Variants in CBLB observed in about 807,000 individuals in gnomAD.
The protein encoded by CBLB is Cbl proto-oncogene B.
Under a neutral mutation model 104.9 loss-of-function variants are expected in CBLB, and 31 were observed. The ratio of observed to expected loss-of-function variants is 0.30; its 90% CI spans 0.22 to 0.40. The LOEUF (loss-of-function observed/expected upper bound fraction) is 0.40, where lower values mean the gene tolerates loss of function less well. Among genes scored for constraint, CBLB ranks in the 10% least tolerant of loss-of-function variants. The pLI is 1.00. For missense variants in CBLB, 1,062 were observed against 1,214.6 expected, an observed-to-expected ratio of 0.87 and a Z score of 1.87; for synonymous variants, 440 against 422.6, an observed-to-expected ratio of 1.04 and a Z score of -0.51.
At chr3:105,769,729 A>C (rs927817508) in intron 4 of CBLB, among the ~76,000 whole-genome samples, 1 of 152,254 alleles carries the variant, frequency 6.6e-6, no homozygotes, top group African/African-American at 2.4e-5. Context: ...GTAGAAAAAA[A>C]GAAGCCAGCG....
chr3:105,764,272 C>G (rs940543221), intron 4 of CBLB, among the ~76,000 whole-genome samples: 1 of 151,970 alleles, frequency 6.6e-6, no homozygotes, highest in African/African-American at 2.4e-5. Context: ...ATCTGGGGAC[C>G]AGGTATATAA....
At chr3:105,851,939 G>A (rs890953725) in intron 3 of CBLB, among the ~76,000 whole-genome samples, 2 of 152,114 alleles carry the variant, frequency 1.3e-5, no homozygotes, top group Non-Finnish European at 2.9e-5. Flanking sequence ...TTACATGTTT[G>A]TGGTGATGCT....
chr3:105,701,413 G>A (rs1164068372), intron 12 of CBLB, among the ~76,000 whole-genome samples: 1 of 152,172 alleles, frequency 6.6e-6, no homozygotes, highest in Non-Finnish European at 1.5e-5. Flanking sequence ...ACTGATTTAT[G>A]ACATGTATAG....
chr3:105,732,029 C>A lies in CBLB; in HGVS notation c.1203+1980G>T, dbSNP rs987966635. Among the ~76,000 whole-genome samples the A allele has an allele frequency of 1.1e-4, 16 of 152,192 alleles. 1 individual carries two copies. Among genetic ancestry groups the A allele is most frequent in the Non-Finnish European group, 2.4e-4 (16 of 68,024 alleles). On this transcript the variant is annotated intron_variant, in intron 9 of 18. Transcript: ENST00000394030. ...TTCTGATTTTCTTCAGGGAGAAATG[C>A]AAGGCTTTTAGTTTCTTTGTACTTG...
intron 3 of CBLB, among the ~76,000 whole-genome samples, chr3:105,839,895 T>C (rs890423576): frequency 1.3e-5 from 2 of 152,214 alleles, no homozygotes; most frequent in South Asian, 2.1e-4. Context: ...AAAATTAGTA[T>C]TAAAGAGGAA....
chr3:105,804,671 G>A (rs982974780), intron 3 of CBLB, among the ~76,000 whole-genome samples: 2 of 150,466 alleles, frequency 1.3e-5, no homozygotes, highest in Admixed American at 6.6e-5. Flanking sequence ...ATAGCTACTA[G>A]ATAATTTAAA....
At chr3:105,670,376 A>C in intron 17 of CBLB, 24 bp from the exon 18 acceptor site, 1 of 1,599,104 alleles carries the variant, frequency 6.3e-7, no homozygotes, top group Non-Finnish European at 8.6e-7. Context: ...ACAAGTTTCA[A>C]ATTAAAAGGA....
chr3:105,789,225 T>C lies in CBLB; in HGVS notation c.420-12683A>G, dbSNP rs540830447. The stretch of plus-strand genomic sequence containing the variant: ...ATTAGAGCTACCAATCTACTACTAT[T>C]ATCACGATACTCAATTCTAGCACTT... On this transcript the variant is annotated intron_variant, in intron 3 of 18. Coordinates refer to ENST00000394030, the MANE Select transcript of CBLB (RefSeq NM_170662.5). Among the ~76,000 whole-genome samples the C allele has an allele frequency of 3.3e-5, 5 of 152,304 alleles. No homozygotes were observed. The East Asian group carries it at 9.6e-4, about 29-fold the overall frequency.
chr3:105,702,064 T>A (rs375370740), intron 12 of CBLB, 30 bp downstream of exon 12: 1 of 1,612,532 alleles, frequency 6.2e-7, no homozygotes, highest in Non-Finnish European at 8.5e-7. Flanking sequence ...ATAAGCAGAT[T>A]CTCTAGCTTC....
At chr3:105,780,563 T>C (rs890219781) in intron 3 of CBLB, among the ~76,000 whole-genome samples, 1 of 152,156 alleles carries the variant, frequency 6.6e-6, no homozygotes, top group Non-Finnish European at 1.5e-5. Flanking sequence ...AAGCTACTTA[T>C]TTCCACATAT....
At chr3:105,745,006 G>A (rs571954016) in intron 6 of CBLB, among the ~76,000 whole-genome samples, 8 of 151,860 alleles carry the variant, frequency 5.3e-5, no homozygotes, top group African/African-American at 1.7e-4. Flanking sequence ...AAATAAAAAT[G>A]ATACTAGAAA....
intron 18 of CBLB, among the ~76,000 whole-genome samples, chr3:105,660,383 G>A (rs1202516870): frequency 6.6e-6 from 1 of 151,712 alleles, no homozygotes; most frequent in Admixed American, 6.6e-5. Flanking sequence ...GTGGAGACAG[G>A]GTTTCACCAT....
chr3:105,860,260 C>G (rs188163011), intron 2 of CBLB, among the ~76,000 whole-genome samples: 60 of 152,246 alleles, frequency 3.9e-4, no homozygotes, highest in African/African-American at 1.4e-3. Flanking sequence ...AAGGTAAGGA[C>G]GAACCTCTCA....
chr3:105,794,439 C>G (rs1258382778), intron 3 of CBLB, among the ~76,000 whole-genome samples: 1 of 152,158 alleles, frequency 6.6e-6, no homozygotes, highest in Non-Finnish European at 1.5e-5. Context: ...TTTTAAAAAG[C>G]ATACTTCTGT....
At position 105,702,473 on chromosome 3, in the gene CBLB, A is replaced by T; in HGVS notation, c.1594-14T>A. On this transcript the variant is annotated splice_polypyrimidine_tract_variant and intron_variant, in intron 11 of 18. Transcript: ENST00000394030. ...GCAAGGAGAAGACTAAAGAAACAGA[A>T]GAGAAAAAAAAAAAAAAAAAAAAAA... 1 of 1,010,822 alleles carries T rather than the reference A, an allele frequency of 9.9e-7. No homozygotes were observed. The highest frequency in any genetic ancestry group is 1.4e-6 in the Non-Finnish European group (1 of 733,448). The allele number at this position is 1,010,822 out of a possible 1,614,324, so 62.6% of individuals were successfully genotyped here. A position where few individuals can be genotyped will look rare whatever the true frequency, so the allele number is the denominator to read the frequency against.
chr3:105,827,426 T>G (rs1447843093), intron 3 of CBLB, among the ~76,000 whole-genome samples: 1 of 152,150 alleles, frequency 6.6e-6, no homozygotes, highest in African/African-American at 2.4e-5. Context: ...CACAGGGCAT[T>G]TTTCCATCCA....
At chr3:105,718,622 T>A (rs1292058819) in intron 10 of CBLB, among the ~76,000 whole-genome samples, 3 of 152,142 alleles carry the variant, frequency 2.0e-5, no homozygotes, top group Non-Finnish European at 2.9e-5. Context: ...CTAGTGACAA[T>A]GGCAAATAGG....
intron 3 of CBLB, among the ~76,000 whole-genome samples, chr3:105,849,038 T>C (rs1197138494): frequency 6.6e-6 from 1 of 152,138 alleles, no homozygotes; most frequent in Non-Finnish European, 1.5e-5. Flanking sequence ...GGCCACTCTG[T>C]AAATGAAAAC....
intron 3 of CBLB, among the ~76,000 whole-genome samples, chr3:105,777,163 CTT>C (rs1388871160): frequency 6.6e-6 from 1 of 152,088 alleles, no homozygotes; most frequent in Non-Finnish European, 1.5e-5. Flanking sequence ...GAGTAAGAAA[CTT>C]TAGTTGGGAC....
Sources: allele counts gnomAD v4.1 joint callset (sites outside exome capture counted in the v4.1 genomes callset), GRCh38; gene constraint gnomAD v4.1.1; transcripts MANE v1.5; gene names NCBI Gene and HGNC (gene_info 2026-07-23, HGNC 2026-07-21).